DPYD: variants seen among roughly 807,000 people sequenced by gnomAD.
DPYD encodes dihydropyrimidine dehydrogenase [NADP(+)].
DPYD carries 109 observed loss-of-function variants against 116.2 expected under a neutral mutation model. That is an observed-to-expected ratio of 0.94 (90% CI 0.80 to 1.10). DPYD has a LOEUF of 1.10. DPYD is among the 50% of genes least tolerant of loss of function. The pLI is 0.00. For missense variants in DPYD, 1,302 were observed against 1,254.5 expected, an observed-to-expected ratio of 1.04 and a Z score of -0.57; for synonymous variants, 440 against 432.0, an observed-to-expected ratio of 1.02 and a Z score of -0.23.
At chr1:97,834,031 G>A (rs540904872) in intron 2 of DPYD, among the ~76,000 whole-genome samples, 134 of 152,116 alleles carry the variant, frequency 8.8e-4, no homozygotes, top group Admixed American at 2.2e-3. Flanking sequence ...ATGGCCCAAC[G>A]TCTATGTGCA....
chr1:97,487,498 C>G (rs1030923385), intron 13 of DPYD, among the ~76,000 whole-genome samples: 2 of 151,970 alleles, frequency 1.3e-5, no homozygotes, highest in African/African-American at 2.4e-5. Flanking sequence ...ACGGTGAAAC[C>G]CCATCTCTAC....
intron 7 of DPYD, 71 bp downstream of exon 7, chr1:97,691,646 T>C: frequency 7.9e-7 from 1 of 1,269,896 alleles, no homozygotes; most frequent in South Asian, 1.2e-5. Context: ...TGACATTTGC[T>C]GTTAATCTTT....
intron 20 of DPYD, among the ~76,000 whole-genome samples, chr1:97,120,041 A>G (rs1250418807): frequency 6.6e-6 from 1 of 152,144 alleles, no homozygotes; most frequent in Non-Finnish European, 1.5e-5. Context: ...GGCTCCAAGT[A>G]ACAAATAATT....
chr1:97,639,827 A>T (rs139287311), intron 8 of DPYD, among the ~76,000 whole-genome samples: 4 of 152,286 alleles, frequency 2.6e-5, no homozygotes, highest in African/African-American at 9.6e-5. Flanking sequence ...CAATTTTTTT[A>T]AAATACATGG....
intron 2 of DPYD, among the ~76,000 whole-genome samples, chr1:97,871,892 A>G (rs901468195): frequency 6.6e-6 from 1 of 151,878 alleles, no homozygotes; most frequent in African/African-American, 2.4e-5. Flanking sequence ...GATAATGATA[A>G]GCAATAATAC....
chr1:97,272,125 A>AT (rs1475226238), intron 18 of DPYD, among the ~76,000 whole-genome samples: 1 of 152,178 alleles, frequency 6.6e-6, no homozygotes, highest in African/African-American at 2.4e-5. Context: ...GTCCTAGGAA[A>AT]ATAAAACTCA....
chr1:97,689,226 A>T, intron 7 of DPYD, among the ~76,000 whole-genome samples: 1 of 152,170 alleles, frequency 6.6e-6, no homozygotes, highest in Middle Eastern at 3.4e-3. Flanking sequence ...AATAAGATAA[A>T]TTGAAATTAA....
intron 8 of DPYD, among the ~76,000 whole-genome samples, chr1:97,627,457 G>T (rs1052061572): frequency 2.0e-5 from 3 of 152,078 alleles, no homozygotes; most frequent in Non-Finnish European, 4.4e-5. Context: ...GAGGAAGCCA[G>T]CCTGTGGCAA....
At chr1:97,423,672 C>G (rs769880801) in intron 14 of DPYD, among the ~76,000 whole-genome samples, 2 of 152,040 alleles carry the variant, frequency 1.3e-5, no homozygotes, top group Non-Finnish European at 2.9e-5. Context: ...AGTTTGCTCT[C>G]GTCTAAACTG....
intron 4 of DPYD, among the ~76,000 whole-genome samples, chr1:97,726,595 C>G (rs1385271205): frequency 1.3e-5 from 2 of 151,410 alleles, no homozygotes; most frequent in Non-Finnish European, 3.0e-5. Flanking sequence ...ATTTGACTGA[C>G]TCCATGACTC....
chr1:97,280,132 C>T (rs569624864), intron 18 of DPYD: 3 of 152,282 alleles, frequency 2.0e-5, no homozygotes, highest in African/African-American at 7.2e-5. Flanking sequence ...ATACTCAAGG[C>T]TTCCAATCAA....
intron 2 of DPYD, among the ~76,000 whole-genome samples, chr1:97,867,957 T>C (rs1300275681): frequency 6.6e-6 from 1 of 151,772 alleles, no homozygotes; most frequent in Non-Finnish European, 1.5e-5. Context: ...GACATGGTCT[T>C]ATGTATAGAA....
chr1:97,741,916 A>T (rs947147937), intron 3 of DPYD, among the ~76,000 whole-genome samples: 1 of 152,126 alleles, frequency 6.6e-6, no homozygotes, highest in Non-Finnish European at 1.5e-5. Flanking sequence ...GAACGAGTGG[A>T]CATTAGGAAA....
intron 6 of DPYD, among the ~76,000 whole-genome samples, chr1:97,692,575 C>A (rs1038066844): frequency 2.0e-5 from 3 of 152,154 alleles, no homozygotes; most frequent in African/African-American, 7.2e-5. Flanking sequence ...CATTCATTTG[C>A]TGAATCATTC....
intron 16 of DPYD, among the ~76,000 whole-genome samples, chr1:97,312,975 C>T (rs1481643632): frequency 4.0e-5 from 6 of 151,806 alleles, no homozygotes; most frequent in Non-Finnish European, 7.4e-5. Context: ...GTGGGTTCTA[C>T]CCTTTTGGCA....
intron 16 of DPYD, among the ~76,000 whole-genome samples, chr1:97,354,056 T>C (rs1223453232): frequency 6.6e-6 from 1 of 152,172 alleles, no homozygotes. Flanking sequence ...TAATAGTAAA[T>C]ATATCATAGA....
At chr1:97,302,889 T>C (rs1666949009) in intron 18 of DPYD, among the ~76,000 whole-genome samples, 1 of 152,018 alleles carries the variant, frequency 6.6e-6, no homozygotes, top group Admixed American at 6.6e-5. Context: ...GAACCAACCT[T>C]TGAAAGACAT....
At chr1:97,859,851 G>T (rs1386245199) in intron 2 of DPYD, among the ~76,000 whole-genome samples, 1 of 152,002 alleles carries the variant, frequency 6.6e-6, no homozygotes, top group Non-Finnish European at 1.5e-5. Context: ...GTTCCACTAT[G>T]AATATAAATA....
At chr1:97,137,971 C>T (rs1570530768) in intron 20 of DPYD, among the ~76,000 whole-genome samples, 1 of 152,146 alleles carries the variant, frequency 6.6e-6, no homozygotes, top group African/African-American at 2.4e-5. Flanking sequence ...CACACCGAGG[C>T]TGATATCTCC....
Sources: gnomAD v4.1 joint callset for allele counts (sites outside exome capture counted in the v4.1 genomes callset) on GRCh38, gnomAD v4.1.1 for gene constraint, MANE v1.5 for transcripts, NCBI Gene and HGNC (gene_info 2026-07-23, HGNC 2026-07-21) for gene names.